ACACA: variants seen among roughly 807,000 people sequenced by gnomAD.
The protein encoded by ACACA is acetyl-CoA carboxylase 1.
ACACA carries 103 observed loss-of-function variants against 296.1 expected under a neutral mutation model. The observed-to-expected ratio is 0.35, with a 90% confidence interval of 0.30 to 0.41. ACACA has a LOEUF of 0.41. Ranked by LOEUF, ACACA falls within the 10% of genes least tolerant of loss-of-function variation. ACACA has a pLI of 1.00. For synonymous variants in ACACA, 953 were observed against 1,038.6 expected, an observed-to-expected ratio of 0.92 and a Z score of 1.58; for missense variants, 1,554 against 2,989.7, an observed-to-expected ratio of 0.52 and a Z score of 11.20.
intron 24 of ACACA, among the ~76,000 whole-genome samples, chr17:37,239,845 T>A (rs532134597): frequency 6.6e-6 from 1 of 152,314 alleles, no homozygotes; most frequent in South Asian, 2.1e-4. Context: ...AAGGAGCAGA[T>A]AAAGGAAAAT....
In ACACA at chr17:37,263,912, G is replaced by GAAAA; in HGVS notation, c.1120-22_1120-19dup. The GAAAA allele has an allele frequency of 1.4e-6, 2 of 1,445,006 alleles. No homozygotes were observed. The highest frequency in any genetic ancestry group is 1.9e-5 in the Admixed American group (1 of 52,192). 89.5% of individuals were successfully genotyped at this position (1,445,006 alleles called of 1,614,324 possible). A position where few individuals can be genotyped will look rare whatever the true frequency, so the allele number is the denominator to read the frequency against. On this transcript the variant is annotated intron_variant, in intron 10 of 55. Transcript: ENST00000616317. ...GCTTGAACCTGTATTAGAAAAGGGG[G>GAAAA]AAAAAAAAAACCAATTCTTAAATTT...
At chr17:37,103,078 A>T (rs967872617) in intron 52 of ACACA, among the ~76,000 whole-genome samples, 2 of 152,164 alleles carry the variant, frequency 1.3e-5, no homozygotes, top group Non-Finnish European at 2.9e-5. Context: ...GATTTTTAAA[A>T]TTTTATTTTC....
intron 54 of ACACA, among the ~76,000 whole-genome samples, chr17:37,090,347 C>T (rs1033697383): frequency 2.6e-5 from 4 of 152,152 alleles, no homozygotes; most frequent in African/African-American, 9.7e-5. Flanking sequence ...ATTTCATCGA[C>T]GTCTCTGTTT....
intron 1 of ACACA, chr17:37,386,132 T>C (rs776296312): frequency 1.3e-6 from 2 of 1,513,976 alleles, no homozygotes; most frequent in Middle Eastern, 1.7e-4. Context: ...ACCGGTAATT[T>C]TTCTAGCTTT....
chr17:37,142,020 T>TG (rs896501111), intron 45 of ACACA, among the ~76,000 whole-genome samples: 15 of 151,830 alleles, frequency 9.9e-5, no homozygotes, highest in African/African-American at 3.4e-4. Context: ...TTGTTTTTTT[T>TG]TTTTTAATCT....
At chr17:37,360,070 T>C (rs2147597577) in intron 1 of ACACA, 1 of 152,308 alleles carries the variant, frequency 6.6e-6, no homozygotes, top group East Asian at 1.9e-4. Flanking sequence ...TCTCTAGTTT[T>C]GCCAGTTACT....
intron 1 of ACACA, among the ~76,000 whole-genome samples, chr17:37,356,782 T>C (rs936475131): frequency 2.0e-5 from 3 of 152,220 alleles, no homozygotes; most frequent in Admixed American, 6.5e-5. Context: ...AAAATACTAA[T>C]TTCTAATGCA....
rs2072148919 is a variant in ACACA at position 37,085,645 on chromosome 17, C to T, written c.*1671G>A. 6 of 399,012 alleles carry T rather than the reference C, an allele frequency of 1.5e-5. No individual in the cohort carries two copies. The highest frequency in any genetic ancestry group is 2.5e-4 in the South Asian group (2 of 7,850). 24.7% of individuals were successfully genotyped at this position (399,012 alleles called of 1,614,324 possible). ...CACCTGTACCTTCCACCAGGGCAGC[C>T]GGGCTGAGGCTCTGACTCCTGGGGG... On this transcript the variant is annotated 3_prime_UTR_variant, in exon 56 of 56. Coordinates refer to ENST00000616317, the MANE Select transcript of ACACA (RefSeq NM_198834.3).
chr17:37,127,103 T>G (rs1272657140), intron 47 of ACACA, among the ~76,000 whole-genome samples: 1 of 152,148 alleles, frequency 6.6e-6, no homozygotes, highest in Admixed American at 6.5e-5. Context: ...AAAACTTAGT[T>G]TATCAAAAAT....
chr17:37,289,538 C>T (rs748031661), intron 3 of ACACA: 7 of 1,337,224 alleles, frequency 5.2e-6, no homozygotes, highest in Non-Finnish European at 5.0e-6. Context: ...TCTGAGGATA[C>T]AAAAATGTCA....
chr17:37,185,951 A>G (rs1326871113), intron 39 of ACACA, among the ~76,000 whole-genome samples: 1 of 152,194 alleles, frequency 6.6e-6, no homozygotes. Flanking sequence ...TCTCCCCATT[A>G]TGACTGCCTG....
intron 25 of ACACA, among the ~76,000 whole-genome samples, chr17:37,230,087 T>A (rs201255263): frequency 9.3e-5 from 11 of 118,642 alleles, no homozygotes; most frequent in African/African-American, 2.1e-4. Flanking sequence ...AAAATAAAAT[T>A]AAAATAAATA....
chr17:37,391,813 A>G (rs1315778189), intron 1 of ACACA: 1 of 1,156,904 alleles, frequency 8.6e-7, no homozygotes, highest in South Asian at 1.2e-5. Context: ...TCACACTTGT[A>G]TCTTCAGCAG....
At chr17:37,229,421 A>G (rs1329877493) in intron 25 of ACACA, among the ~76,000 whole-genome samples, 1 of 151,580 alleles carries the variant, frequency 6.6e-6, no homozygotes, top group Middle Eastern at 3.2e-3. Context: ...CTCCTGCCTC[A>G]GCCTCCCGAG....
chr17:37,234,959 G>GA lies in ACACA; in HGVS notation c.3246+15dup, dbSNP rs1461132907. 10 of 1,613,650 alleles carry GA rather than the reference G, an allele frequency of 6.2e-6. No individual in the cohort carries two copies. The highest frequency in any genetic ancestry group is 8.5e-6 in the Non-Finnish European group (10 of 1,179,862). On this transcript the variant is annotated intron_variant, in intron 25 of 55. Coordinates refer to ENST00000616317, the MANE Select transcript of ACACA (RefSeq NM_198834.3). Reference sequence around the variant, plus strand: ...ATCATTGACGGTCTTTACAAGTTCTGAAAAATGGTACTCACAATAAGCATT... The same window carrying GA: ...ATCATTGACGGTCTTTACAAGTTCTGAAAAAATGGTACTCACAATAAGCATT...
chr17:37,140,722 C>A, intron 45 of ACACA: 1 of 216,774 alleles, frequency 4.6e-6, no homozygotes, highest in South Asian at 8.9e-5. Flanking sequence ...CAGTCTCCTT[C>A]CAGAGGTCGG....
chr17:37,307,665 C>A (rs984289147), intron 3 of ACACA, among the ~76,000 whole-genome samples: 4 of 152,118 alleles, frequency 2.6e-5, no homozygotes, highest in African/African-American at 9.7e-5. Flanking sequence ...CAGCTCACTG[C>A]AACCTCCACC....
chr17:37,132,924 T>C (rs1334155672), intron 45 of ACACA, among the ~76,000 whole-genome samples: 3 of 152,226 alleles, frequency 2.0e-5, no homozygotes, highest in Non-Finnish European at 4.4e-5. Flanking sequence ...CTGAGTACTC[T>C]TCTCTTTACA....
chr17:37,335,220 T>C (rs957130168), intron 2 of ACACA, among the ~76,000 whole-genome samples: 1 of 152,082 alleles, frequency 6.6e-6, no homozygotes, highest in Non-Finnish European at 1.5e-5. Context: ...CCCAAAACCC[T>C]ACTAACTGTT....
Sources: allele counts gnomAD v4.1 joint callset (sites outside exome capture counted in the v4.1 genomes callset), GRCh38; gene constraint gnomAD v4.1.1; transcripts MANE v1.5; gene names NCBI Gene and HGNC (gene_info 2026-07-23, HGNC 2026-07-21).